Variants in TMEM161B observed in about 807,000 individuals in gnomAD.
TMEM161B encodes transmembrane protein 161B.
TMEM161B carries 34 observed loss-of-function variants against 61.8 expected under a neutral mutation model. The ratio of observed to expected loss-of-function variants is 0.55; its 90% CI spans 0.42 to 0.73. The LOEUF (loss-of-function observed/expected upper bound fraction) is 0.73. TMEM161B is among the 30% of genes least tolerant of loss of function. The pLI is 0.00. For synonymous variants in TMEM161B, 167 were observed against 192.8 expected, an observed-to-expected ratio of 0.87 and a Z score of 1.11; for missense variants, 456 against 558.5, an observed-to-expected ratio of 0.82 and a Z score of 1.85.
At chr5:88,226,306 G>A (rs890130558) in intron 3 of TMEM161B, among the ~76,000 whole-genome samples, 1 of 152,130 alleles carries the variant, frequency 6.6e-6, no homozygotes. Context: ...AAAGATTTAC[G>A]TGTATGAGAA....
At chr5:88,215,803 A>G (rs1036555536) in intron 5 of TMEM161B, among the ~76,000 whole-genome samples, 3 of 152,236 alleles carry the variant, frequency 2.0e-5, no homozygotes, top group Non-Finnish European at 4.4e-5. Flanking sequence ...AAATTTACTC[A>G]CATAAACAAT....
chr5:88,264,252 C>T (rs1422362292), intron 1 of TMEM161B, among the ~76,000 whole-genome samples: 1 of 151,546 alleles, frequency 6.6e-6, no homozygotes, highest in East Asian at 1.9e-4. Context: ...AAAAAAACAA[C>T]ACCATCAAAA....
intron 9 of TMEM161B, chr5:88,201,377 T>C (rs1176655230): frequency 6.6e-6 from 1 of 152,188 alleles, no homozygotes; most frequent in South Asian, 2.1e-4. Context: ...AACTACCAAG[T>C]GTTTTATGTA....
At chr5:88,192,004 A>G (rs1211178011), downstream of TMEM161B, among the ~76,000 whole-genome samples, 4 of 92,738 alleles carry the variant, frequency 4.3e-5, no homozygotes, top group African/African-American at 9.2e-5. Flanking sequence ...ATATATATAT[A>G]TATATATATA....
At chr5:88,222,611 C>G (rs188707263) in intron 4 of TMEM161B, among the ~76,000 whole-genome samples, 1 of 152,290 alleles carries the variant, frequency 6.6e-6, no homozygotes, top group Admixed American at 6.5e-5. Context: ...ATTCTCCAAA[C>G]CTACCCATAC....
chr5:88,255,377 A>G (rs1288987749), intron 1 of TMEM161B, among the ~76,000 whole-genome samples: 2 of 152,170 alleles, frequency 1.3e-5, no homozygotes, highest in African/African-American at 4.8e-5. Context: ...AGACACAGTA[A>G]ACTGGACTGG....
intron 9 of TMEM161B, chr5:88,201,808 C>T (rs1275037574): frequency 3.1e-5 from 5 of 162,156 alleles, no homozygotes; most frequent in African/African-American, 7.2e-5. Context: ...GTGTCGGCGG[C>T]GGGGAAGCAT....
At chr5:88,195,041 T>C (rs1253566802), downstream of TMEM161B, 4 of 590,890 alleles carry the variant, frequency 6.8e-6, no homozygotes, top group Non-Finnish European at 8.5e-6. Context: ...ACAAGTCCTA[T>C]TTAACAAAGG....
chr5:88,268,804 CGA>C lies in TMEM161B; in HGVS notation c.-83_-82del. On this transcript the variant is annotated 5_prime_UTR_variant, in exon 1 of 12. Transcript: ENST00000296595. ...ACCTCTTACCTCCCGGTCCTTGAGC[CGA>C]GAGACTCTCAAACAGCGAAAGAGAG... 2 of 1,608,044 alleles carry C rather than the reference CGA, an allele frequency of 1.2e-6. No individual in the cohort carries two copies. The highest frequency in any genetic ancestry group is 8.5e-7 in the Non-Finnish European group (1 of 1,176,112).
At chr5:88,188,362 C>A (rs372516761), downstream of TMEM161B, among the ~76,000 whole-genome samples, 352 of 151,918 alleles carry the variant, frequency 2.3e-3, no homozygotes, top group African/African-American at 8.3e-3. Flanking sequence ...ATGATCCACC[C>A]GTCTCAGCCT....
At chr5:88,235,951 G>C (rs919047679) in intron 2 of TMEM161B, among the ~76,000 whole-genome samples, 4 of 152,156 alleles carry the variant, frequency 2.6e-5, no homozygotes, top group Non-Finnish European at 5.9e-5. Flanking sequence ...AAGCTAAGGC[G>C]AGGAGAGCAA....
In TMEM161B at chr5:88,189,870, A is replaced by C. The variant is rs1007553835; in HGVS notation, c.*182T>G. The C allele has an allele frequency of 1.7e-5, 10 of 577,580 alleles. No individual in the cohort carries two copies. In the East Asian group the frequency reaches 2.8e-4, roughly 16 times the overall value. 35.8% of individuals were successfully genotyped at this position (577,580 alleles called of 1,614,324 possible). On this transcript the variant is annotated 3_prime_UTR_variant, in exon 13 of 13. Coordinates refer to the TMEM161B transcript ENST00000514135. ...TCCTTTTTCCTGACATACTTTCCCT[A>C]AACTATTTTTGATAGTCTGATTCAT... is the stretch of plus-strand genomic sequence containing the variant.
At position 88,196,423 on chromosome 5, in the gene TMEM161B, A is replaced by G. The variant is rs1334791048; in HGVS notation, c.1252T>C (p.Ser418Pro). 1 of 1,613,296 alleles carries G rather than the reference A, an allele frequency of 6.2e-7. No individual in the cohort carries two copies. Among genetic ancestry groups the G allele is most frequent in the East Asian group, 2.2e-5 (1 of 44,836 alleles). Residue 418 changes from serine (S) to proline (P), a missense_variant, in exon 12 of 12, where the codon TCC (serine) becomes CCC (proline). Coordinates refer to ENST00000296595, the MANE Select transcript of TMEM161B (RefSeq NM_153354.5). ...STLPVDNSLL[S>P]NSVYSELPSA... is the part of the protein sequence containing the mutation. Reference sequence around the variant, plus strand: ...GGTAATTCAGAGTAAACAGAATTGGACAGTAGACTATTATCCACTGGTAAG... The same window carrying G: ...GGTAATTCAGAGTAAACAGAATTGGGCAGTAGACTATTATCCACTGGTAAG...
intron 2 of TMEM161B, among the ~76,000 whole-genome samples, chr5:88,240,455 G>A (rs187588455): frequency 6.6e-6 from 1 of 151,524 alleles, no homozygotes; most frequent in African/African-American, 2.4e-5. Context: ...AAAGAAAGAA[G>A]GTAGGGGTGG....
intron 11 of TMEM161B, among the ~76,000 whole-genome samples, chr5:88,196,849 A>T (rs1749740506): frequency 6.6e-6 from 1 of 152,154 alleles, no homozygotes; most frequent in Admixed American, 6.6e-5. Context: ...AATCTTTTCT[A>T]CTTCTAGAAT....
chr5:88,210,110 T>C (rs868095078), intron 5 of TMEM161B, among the ~76,000 whole-genome samples: 3 of 152,208 alleles, frequency 2.0e-5, no homozygotes, highest in Non-Finnish European at 2.9e-5. Flanking sequence ...CTAAACTATG[T>C]GATCTTCCAC....
chr5:88,198,950 C>T (rs1280124877), intron 10 of TMEM161B, 26 bp downstream of exon 10: 34 of 1,527,848 alleles, frequency 2.2e-5, no homozygotes, highest in Middle Eastern at 2.1e-4. Context: ...TGCTATTTTT[C>T]ATTTTGACTA....
chr5:88,205,727 A>G, intron 8 of TMEM161B, 87 bp downstream of exon 8: 1 of 1,446,906 alleles, frequency 6.9e-7, no homozygotes, highest in Non-Finnish European at 9.3e-7. Flanking sequence ...CAATACAATA[A>G]TTTATGATTA....
intron 1 of TMEM161B, among the ~76,000 whole-genome samples, chr5:88,251,216 G>T (rs1561416841): frequency 6.6e-6 from 1 of 152,058 alleles, no homozygotes. Context: ...CACAGGACCA[G>T]ATGAGTCATG....
Sources: allele counts gnomAD v4.1 joint callset (sites outside exome capture counted in the v4.1 genomes callset), GRCh38; gene constraint gnomAD v4.1.1; transcripts MANE v1.5; gene names NCBI Gene and HGNC (gene_info 2026-07-23, HGNC 2026-07-21).